Variants in KIAA0586 observed in about 807,000 individuals in gnomAD.
KIAA0586 encodes the protein KIAA0586, also known as protein TALPID3.
Under a neutral mutation model 169.8 loss-of-function variants are expected in KIAA0586, and 144 were observed. The ratio of observed to expected loss-of-function variants is 0.85; its 90% CI spans 0.74 to 0.97. The LOEUF is 0.97. Ranked by LOEUF, KIAA0586 falls within the 50% of genes least tolerant of loss-of-function variation. The pLI is 0.00. For synonymous variants in KIAA0586, 625 were observed against 612.4 expected (o/e 1.02, Z -0.30); for missense variants, 1,854 against 1,823.0 (o/e 1.02, Z -0.31).
At chr14:58,440,927 G>A (rs1380005266) in intron 4 of KIAA0586, 2 of 161,710 alleles carry the variant, frequency 1.2e-5, no homozygotes, top group Non-Finnish European at 2.7e-5. Context: ...CTATTGTACA[G>A]CATGTAACTA....
chr14:58,468,998 G>C (rs1183482176), intron 16 of KIAA0586, among the ~76,000 whole-genome samples: 1 of 152,058 alleles, frequency 6.6e-6, no homozygotes, highest in African/African-American at 2.4e-5. Context: ...GGAGCTGTCG[G>C]ATGCCACCAC....
At chr14:58,466,221 A>G (rs187979148) in intron 15 of KIAA0586, among the ~76,000 whole-genome samples, 192 bp downstream of exon 15, 4 of 152,194 alleles carry the variant, frequency 2.6e-5, no homozygotes, top group Non-Finnish European at 4.4e-5. Context: ...CAGCCATTGA[A>G]TTTTAAATTC....
intron 29 of KIAA0586, among the ~76,000 whole-genome samples, chr14:58,529,416 CA>C (rs2045812840): frequency 6.6e-6 from 1 of 152,128 alleles, no homozygotes; most frequent in Non-Finnish European, 1.5e-5. Flanking sequence ...AAGAAAATTT[CA>C]GGCCAGTATC....
intron 6 of KIAA0586, among the ~76,000 whole-genome samples, chr14:58,445,970 G>C (rs2038863724): frequency 6.6e-6 from 1 of 151,378 alleles, no homozygotes; most frequent in African/African-American, 2.4e-5. Context: ...CCATGTTCAA[G>C]CGATTCTCCT....
chr14:58,547,415 A>T (rs569006240), intron 30 of KIAA0586, among the ~76,000 whole-genome samples: 1 of 152,160 alleles, frequency 6.6e-6, no homozygotes, highest in African/African-American at 2.4e-5. Flanking sequence ...GGGAAACTGA[A>T]CTTTTGAGTG....
intron 4 of KIAA0586, among the ~76,000 whole-genome samples, chr14:58,434,528 C>A (rs1394893322): frequency 1.3e-5 from 2 of 152,152 alleles, no homozygotes; most frequent in East Asian, 3.8e-4. Context: ...ATGATGCTAA[C>A]CTAGCCCAAG....
intron 24 of KIAA0586, 109 bp from the exon 25 acceptor site, chr14:58,490,055 T>A (rs2042734487): frequency 3.5e-6 from 2 of 567,940 alleles, no homozygotes. Flanking sequence ...TTGCCAGTAT[T>A]TCCATTGCAG....
chr14:58,550,471 A>C lies in KIAA0586; in HGVS notation c.*2539A>C, dbSNP rs1407707795. 2 of 152,148 alleles carry C rather than the reference A, an allele frequency of 1.3e-5. No homozygotes were observed. Among genetic ancestry groups the C allele is most frequent in the Non-Finnish European group, 2.9e-5 (2 of 68,016 alleles). The allele number at this position is 152,148 out of a possible 1,614,324, so 9.4% of individuals were successfully genotyped here. A position where few individuals can be genotyped will look rare whatever the true frequency, so the allele number is the denominator to read the frequency against. On this transcript the variant is annotated 3_prime_UTR_variant, in exon 31 of 31. Transcript: ENST00000652326. ...TTTTTATTTTATATTAAATTTTACA[A>C]TTTCCAACTTCCGGAATAAACTATT...
chr14:58,464,762 A>C (rs919013817), intron 14 of KIAA0586, among the ~76,000 whole-genome samples: 2 of 152,134 alleles, frequency 1.3e-5, no homozygotes, highest in African/African-American at 2.4e-5. Flanking sequence ...ATGTTCTTTT[A>C]ATCTGATAAC....
chr14:58,432,605 A>G (rs983691068), intron 4 of KIAA0586, 148 bp downstream of exon 4: 36 of 508,030 alleles, frequency 7.1e-5, no homozygotes, highest in Non-Finnish European at 9.5e-5. Context: ...AGACACGTAT[A>G]AAATACTCAG....
chr14:58,490,864 A>G (rs75490340), intron 25 of KIAA0586, among the ~76,000 whole-genome samples: 5 of 152,148 alleles, frequency 3.3e-5, no homozygotes, highest in African/African-American at 7.2e-5. Flanking sequence ...ATTGTACTCA[A>G]CTATCATCTA....
intron 14 of KIAA0586, among the ~76,000 whole-genome samples, chr14:58,462,394 T>C (rs1454697555): frequency 6.6e-6 from 1 of 151,944 alleles, no homozygotes; most frequent in Non-Finnish European, 1.5e-5. Flanking sequence ...ATTACAGGCA[T>C]GCGCCACAAT....
the KIAA0586 span, among the ~76,000 whole-genome samples, chr14:58,559,049 A>T: frequency 1.3e-5 from 2 of 152,206 alleles, no homozygotes; most frequent in Admixed American, 1.3e-4. Flanking sequence ...GGAATATTCA[A>T]GTTGTTTACC....
intron 29 of KIAA0586, among the ~76,000 whole-genome samples, chr14:58,530,243 T>C (rs1178965120): frequency 4.6e-5 from 7 of 152,158 alleles, no homozygotes; most frequent in Non-Finnish European, 1.0e-4. Context: ...GAAGAATCAA[T>C]ATTGTGAAAA....
rs2040886610 is a variant in KIAA0586 at position 58,467,848 on chromosome 14, G to A, written c.2368G>A (p.Gly790Arg). Residue 790 changes from glycine to arginine, a missense_variant, in exon 16 of 31, where the codon GGA becomes AGA. By Grantham distance (125) the Gly-to-Arg change is moderately radical. Transcript: ENST00000652326. Reference sequence around the variant, plus strand: ...TCCATCATCTCGAAAAGTAGAAACTGGAGTAAAGAAACCTAACATAGCCAT... The same window carrying A: ...TCCATCATCTCGAAAAGTAGAAACTAGAGTAAAGAAACCTAACATAGCCAT... ...IPPSSRKVET[G>R]VKKPNIAIVE... The A allele has an allele frequency of 6.2e-7, 1 of 1,613,524 alleles. No homozygotes were observed.
At chr14:58,476,408 A>G (rs1414805583) in intron 19 of KIAA0586, among the ~76,000 whole-genome samples, 1 of 152,078 alleles carries the variant, frequency 6.6e-6, no homozygotes, top group Non-Finnish European at 1.5e-5. Context: ...TACAGCCTAT[A>G]TGTGTATTAC....
chr14:58,518,344 A>G (rs1429681239), intron 29 of KIAA0586, among the ~76,000 whole-genome samples: 1 of 152,188 alleles, frequency 6.6e-6, no homozygotes, highest in African/African-American at 2.4e-5. Context: ...CAATACAGTT[A>G]AATTGGATTT....
chr14:58,469,144 A>G (rs144007154), intron 16 of KIAA0586, among the ~76,000 whole-genome samples: 226 of 152,316 alleles, frequency 1.5e-3, no homozygotes, highest in African/African-American at 5.1e-3. Context: ...CCAGGGACTT[A>G]GAAATCACCC....
chr14:58,456,877 T>G (rs1403755142), intron 10 of KIAA0586, 67 bp downstream of exon 10: 1 of 865,430 alleles, frequency 1.2e-6, no homozygotes, highest in African/African-American at 1.7e-5. Flanking sequence ...ATAAAAGAGT[T>G]ATAAAGATAG....
Sources: gnomAD v4.1 joint callset for allele counts (sites outside exome capture counted in the v4.1 genomes callset) on GRCh38, gnomAD v4.1.1 for gene constraint, MANE v1.5 for transcripts, NCBI Gene and HGNC (gene_info 2026-07-23, HGNC 2026-07-21) for gene names.